Variants in BIRC6 observed in about 807,000 individuals in gnomAD.
BIRC6 encodes dual E2 ubiquitin-conjugating enzyme/E3 ubiquitin-protein ligase BIRC6.
BIRC6 carries 98 observed loss-of-function variants against 503.3 expected under a neutral mutation model. The observed-to-expected ratio is 0.19, with a 90% CI of 0.17 to 0.23. BIRC6 has a LOEUF of 0.23. Ranked by LOEUF, BIRC6 falls within the 10% of genes least tolerant of loss-of-function variation. The pLI is 1.00. For synonymous variants in BIRC6, 2,240 were observed against 2,078.7 expected (o/e 1.08, Z -2.11); for missense variants, 5,360 against 5,806.0 (o/e 0.92, Z 2.50).
At chr2:32,581,522 TAA>T (rs1310776370) in intron 66 of BIRC6, among the ~76,000 whole-genome samples, 1 of 152,160 alleles carries the variant, frequency 6.6e-6, no homozygotes, top group Non-Finnish European at 1.5e-5. Context: ...CAGATCAACT[TAA>T]AAAATTAAAC....
intron 1 of BIRC6, among the ~76,000 whole-genome samples, chr2:32,369,153 A>G (rs1264419502): frequency 6.6e-6 from 1 of 150,792 alleles, no homozygotes; most frequent in African/African-American, 2.4e-5. Flanking sequence ...TGTCTGTTAT[A>G]TAATAGACAA....
rs2056758642 is a variant in BIRC6, at chr2:32,531,597, C to T, written c.12291+46C>T. 7 of 1,446,874 alleles carry T rather than the reference C, an allele frequency of 4.8e-6. No homozygotes were observed. In the South Asian group the frequency reaches 9.3e-5, roughly 19 times the overall value. The allele number at this position is 1,446,874 out of a possible 1,614,324, so 89.6% of individuals were successfully genotyped here. A position where few individuals can be genotyped will look rare whatever the true frequency, so the allele number is the denominator to read the frequency against. ...CGAGTATATCATTCCATAGCTAAGCCCTTCATTCTTTTTAATGTTTGTTTT... is the reference window on the plus strand; with the variant it reads ...CGAGTATATCATTCCATAGCTAAGCTCTTCATTCTTTTTAATGTTTGTTTT... On this transcript the variant is annotated intron_variant, in intron 61 of 73. Coordinates refer to ENST00000421745, the MANE Select transcript of BIRC6 (RefSeq NM_016252.4).
chr2:32,363,641 T>G (rs1277869490), intron 1 of BIRC6, among the ~76,000 whole-genome samples: 1 of 152,198 alleles, frequency 6.6e-6, no homozygotes, highest in Non-Finnish European at 1.5e-5. Context: ...GGAGAGAGCA[T>G]GCGCTTTATG....
At chr2:32,373,539 A>T (rs1235761865) in intron 1 of BIRC6, among the ~76,000 whole-genome samples, 1 of 152,240 alleles carries the variant, frequency 6.6e-6, no homozygotes, top group African/African-American at 2.4e-5. Flanking sequence ...ACGTGCAAAA[A>T]GTATAAAGTT....
chr2:32,470,726 T>C (rs1024004940), intron 31 of BIRC6, among the ~76,000 whole-genome samples: 3 of 152,206 alleles, frequency 2.0e-5, no homozygotes, highest in Non-Finnish European at 4.4e-5. Flanking sequence ...AATCTAAGAA[T>C]AGTATCTTAT....
chr2:32,521,460 C>G (rs1300839346), intron 57 of BIRC6, among the ~76,000 whole-genome samples: 1 of 142,760 alleles, frequency 7.0e-6, no homozygotes, highest in African/African-American at 2.5e-5. Flanking sequence ...TTCTCTCTCT[C>G]TGTTTTTTTT....
intron 49 of BIRC6, 39 bp from the exon 50 acceptor site, chr2:32,504,966 T>C: frequency 6.6e-7 from 1 of 1,519,108 alleles, no homozygotes; most frequent in Admixed American, 1.9e-5. Flanking sequence ...TATGTTTCTT[T>C]TGCAAGTTCT....
At chr2:32,487,954 TAATC>T (rs2051193667) in intron 41 of BIRC6, among the ~76,000 whole-genome samples, 153 bp downstream of exon 41, 1 of 152,230 alleles carries the variant, frequency 6.6e-6, no homozygotes, top group South Asian at 2.1e-4. Context: ...ATTACCAAAG[TAATC>T]ACAGTTTCTC....
At chr2:32,412,170 C>G (rs1197570490) in intron 9 of BIRC6, among the ~76,000 whole-genome samples, 4 of 151,992 alleles carry the variant, frequency 2.6e-5, no homozygotes, top group Admixed American at 6.6e-5. Flanking sequence ...TGAGACTGTA[C>G]TACTTTTAAG....
intron 63 of BIRC6, among the ~76,000 whole-genome samples, chr2:32,547,493 A>C (rs1340147649): frequency 3.3e-5 from 5 of 152,160 alleles, no homozygotes; most frequent in Non-Finnish European, 7.4e-5. Context: ...TCTTTCATTT[A>C]GTATAATGTT....
At chr2:32,382,255 G>C (rs7577981) in intron 3 of BIRC6, among the ~76,000 whole-genome samples, 4,644 of 152,254 alleles carry the variant, frequency 0.031, 138 homozygotes, top group African/African-American at 0.083. Context: ...GGACGAGGGC[G>C]TTGCAAAACT....
intron 40 of BIRC6, among the ~76,000 whole-genome samples, chr2:32,486,713 T>C (rs1450060026): frequency 6.6e-6 from 1 of 152,238 alleles, no homozygotes; most frequent in Non-Finnish European, 1.5e-5. Context: ...ATCTTCCTTA[T>C]GTTAAATTGA....
chr2:32,578,909 TAC>T (rs1204861735), intron 66 of BIRC6, among the ~76,000 whole-genome samples: 8 of 148,154 alleles, frequency 5.4e-5, no homozygotes, highest in Non-Finnish European at 1.2e-4. Flanking sequence ...GTGAATAAAG[TAC>T]ATGTATTTGG....
At chr2:32,390,385 T>G (rs2149540337) in intron 4 of BIRC6, among the ~76,000 whole-genome samples, 1 of 151,452 alleles carries the variant, frequency 6.6e-6, no homozygotes, top group Admixed American at 6.6e-5. Flanking sequence ...TTAGCCAGGA[T>G]GGTCTCGAGC....
At chr2:32,401,118 T>G (rs1370260629) in intron 6 of BIRC6, 45 bp from the exon 7 acceptor site, 1 of 1,522,352 alleles carries the variant, frequency 6.6e-7, no homozygotes. Context: ...ACAAACTGAA[T>G]TGCTTTATTT....
chr2:32,570,822 AG>A (rs2059866274), intron 65 of BIRC6, among the ~76,000 whole-genome samples: 1 of 151,454 alleles, frequency 6.6e-6, no homozygotes. Context: ...TTAAGGGTTG[AG>A]GTCTTGCTCT....
In BIRC6 at chr2:32,467,333, C is replaced by T. The variant is rs189558612; in HGVS notation, c.5357-192C>T. Among the ~76,000 whole-genome samples, 874 of 152,318 alleles carry T rather than the reference C, an allele frequency of 5.7e-3. 10 individuals carry two copies. Among genetic ancestry groups the T allele is most frequent in the South Asian group, 0.02 (98 of 4,830 alleles). On this transcript the variant is annotated intron_variant, in intron 26 of 73. Coordinates refer to ENST00000421745, the MANE Select transcript of BIRC6 (RefSeq NM_016252.4). ...TCTACTTACGTCTTGGGGTTCAAAACTAACACAGACTGGGATTTCAGAAAA... is the reference window on the plus strand; with the variant it reads ...TCTACTTACGTCTTGGGGTTCAAAATTAACACAGACTGGGATTTCAGAAAA...
Position 32,597,978 on chromosome 2 carries a change from A to G in BIRC6, c.13830+10A>G, listed in dbSNP as rs367587549. ...ACTTGATATCATGAAGGTAAAAAAT[A>G]ATGATAATAAAGCACTCTCCCTTAT... On this transcript the variant is annotated intron_variant, in intron 69 of 73. Transcript: ENST00000421745. 11 of 1,596,500 alleles carry G rather than the reference A, an allele frequency of 6.9e-6. No individual in the cohort carries two copies. In the African/African-American group the frequency reaches 1.1e-4, roughly 16 times the overall value.
rs1410804458 is a variant in BIRC6 at position 32,515,407 on chromosome 2, C to A, written c.10986C>A (p.Asp3662Glu). 11 of 1,613,188 alleles carry A rather than the reference C, an allele frequency of 6.8e-6. No individual in the cohort carries two copies. Among genetic ancestry groups the A allele is most frequent in the Non-Finnish European group, 8.5e-6 (10 of 1,179,852 alleles). The change falls in exon 55 of 74, where the codon GAC becomes GAA. Residue 3662 changes from aspartate to glutamate, a missense_variant. Physicochemically the swap from Asp to Glu is conservative, Grantham distance 45 (BLOSUM62 2). Coordinates refer to ENST00000421745, the MANE Select transcript of BIRC6 (RefSeq NM_016252.4). ...SIAQSIDISQ[D>E]KLRRHHVPQQ... ...CCCAGTCAATAGATATTTCCCAGGA[C>A]AAACTCAGGCGCCATCATGTCCCAC... is the stretch of plus-strand genomic sequence containing the variant.
Sources: gnomAD v4.1 joint callset for allele counts (sites outside exome capture counted in the v4.1 genomes callset) on GRCh38, gnomAD v4.1.1 for gene constraint, MANE v1.5 for transcripts, NCBI Gene and HGNC (gene_info 2026-07-23, HGNC 2026-07-21) for gene names.